Variants in PRKN observed in about 807,000 individuals in gnomAD.
The protein encoded by PRKN is E3 ubiquitin-protein ligase parkin.
Under a neutral mutation model 59.5 loss-of-function variants are expected in PRKN, and 56 were observed. The ratio of observed to expected loss-of-function variants is 0.94; its 90% CI spans 0.76 to 1.18. PRKN has a LOEUF of 1.18. Ranked by LOEUF, PRKN falls within the 50% of genes most tolerant of loss-of-function variation. The pLI, the probability that PRKN is intolerant of heterozygous loss-of-function variation, is 0.00. For synonymous variants in PRKN, 250 were observed against 222.1 expected, an observed-to-expected ratio of 1.13 and a Z score of -1.12; for missense variants, 657 against 596.4, an observed-to-expected ratio of 1.10 and a Z score of -1.06.
At chr6:162,087,399 A>T (rs2128295125) in intron 4 of PRKN, among the ~76,000 whole-genome samples, 1 of 152,236 alleles carries the variant, frequency 6.6e-6, no homozygotes, top group South Asian at 2.1e-4. Flanking sequence ...AAGAAAAATC[A>T]AATATACATT....
chr6:162,277,923 C>CCCAAAGGAG (rs1469149246), intron 2 of PRKN, among the ~76,000 whole-genome samples: 1 of 152,154 alleles, frequency 6.6e-6, no homozygotes, highest in Non-Finnish European at 1.5e-5. Context: ...GGAGTATTTA[C>CCCAAAGGAG]CCAAAGGAGT....
In PRKN at chr6:161,480,945, C is replaced by T. The variant is rs529102920; in HGVS notation, c.1083+67909G>A. Among the ~76,000 whole-genome samples, 16 of 152,280 alleles carry T rather than the reference C, an allele frequency of 1.1e-4. No homozygotes were observed. The highest frequency in any genetic ancestry group is 2.1e-4 in the South Asian group (1 of 4,830). On this transcript the variant is annotated intron_variant, in intron 9 of 11. Transcript: ENST00000366898. This position sits in a 1 kb window ranked among gnomAD's most constrained non-coding sequence, Gnocchi z 4.1. ...ATGGTGCAGCTTTCTCCATGGTAAC[C>T]GGGCAAGGAGAAAAGCGCTTCACAG... is the stretch of plus-strand genomic sequence containing the variant.
At chr6:162,226,277 G>C (rs572798400) in intron 3 of PRKN, among the ~76,000 whole-genome samples, 2 of 151,978 alleles carry the variant, frequency 1.3e-5, no homozygotes, top group Non-Finnish European at 2.9e-5. Context: ...GATACAGAGA[G>C]AGAGAGAGAG....
intron 5 of PRKN, among the ~76,000 whole-genome samples, chr6:162,014,105 C>T (rs1278138711): frequency 2.6e-5 from 4 of 152,150 alleles, no homozygotes; most frequent in Admixed American, 2.6e-4. Context: ...TCAGTTCCTA[C>T]TCACCCCCCA....
chr6:162,419,031 T>C (rs966632703), intron 2 of PRKN, among the ~76,000 whole-genome samples: 3 of 151,794 alleles, frequency 2.0e-5, no homozygotes, highest in African/African-American at 7.3e-5. Flanking sequence ...CAAAGCCCAT[T>C]CCTTCCTTAG....
At chr6:162,479,406 T>G (rs1312456266) in intron 1 of PRKN, among the ~76,000 whole-genome samples, 1 of 152,030 alleles carries the variant, frequency 6.6e-6, no homozygotes, top group Admixed American at 6.6e-5. Context: ...TTTTTGTATT[T>G]TTAGTAGAGA....
At chr6:161,651,642 G>C (rs868258046) in intron 7 of PRKN, among the ~76,000 whole-genome samples, 6 of 152,148 alleles carry the variant, frequency 3.9e-5, no homozygotes, top group African/African-American at 1.4e-4. Context: ...GGTTATTAAG[G>C]TATTGCAGAT....
At chr6:161,880,922 C>T (rs1794912699) in intron 6 of PRKN, among the ~76,000 whole-genome samples, 1 of 152,178 alleles carries the variant, frequency 6.6e-6, no homozygotes, top group South Asian at 2.1e-4. Flanking sequence ...AGATTGTTTC[C>T]CCAACACCTG....
At chr6:162,019,108 C>T (rs1783035832) in intron 5 of PRKN, among the ~76,000 whole-genome samples, 1 of 152,136 alleles carries the variant, frequency 6.6e-6, no homozygotes, top group East Asian at 1.9e-4. Context: ...TTTCTTTCTA[C>T]TATCAGAATG....
chr6:162,195,913 T>A (rs1003752737), intron 4 of PRKN, among the ~76,000 whole-genome samples: 20 of 152,220 alleles, frequency 1.3e-4, no homozygotes, highest in African/African-American at 4.3e-4. Context: ...CCAGATGCTG[T>A]ATGTGCTCTC....
chr6:162,490,842 C>CCT (rs2128184874), intron 1 of PRKN, among the ~76,000 whole-genome samples: 2 of 152,238 alleles, frequency 1.3e-5, no homozygotes, highest in South Asian at 4.1e-4. Context: ...TTCAAAAGGA[C>CCT]GGCACGAGGG....
chr6:161,545,496 A>G lies in PRKN; in HGVS notation c.1083+3358T>C. The G allele has an allele frequency of 7.3e-6, 9 of 1,236,456 alleles. No homozygotes were observed. Among genetic ancestry groups the G allele is most frequent in the Middle Eastern group, 1.9e-4 (1 of 5,366 alleles). The allele number at this position is 1,236,456 out of a possible 1,614,324, so 76.6% of individuals were successfully genotyped here. ...TCTTCTAACTTTTATGTATTTGGCC[A>G]TGTTCTACTTCTGAAATGACATAAT... On this transcript the variant is annotated intron_variant, in intron 9 of 11. Transcript: ENST00000366898. This position sits in a 1 kb window ranked among gnomAD's most constrained non-coding sequence, Gnocchi z 4.1.
chr6:161,968,114 G>A (rs7455008), intron 6 of PRKN, among the ~76,000 whole-genome samples: 14,015 of 151,744 alleles, frequency 0.092, 902 homozygotes, highest in Non-Finnish European at 0.14. Flanking sequence ...TCCGCCTCCC[G>A]GGTTCAAGCG....
At chr6:162,198,852 C>T (rs1431458354) in intron 4 of PRKN, among the ~76,000 whole-genome samples, 1 of 152,026 alleles carries the variant, frequency 6.6e-6, no homozygotes, top group Non-Finnish European at 1.5e-5. Flanking sequence ...ATTAATGTAC[C>T]ATTTAGTCCC....
At chr6:161,523,774 C>T (rs1173083851) in intron 9 of PRKN, among the ~76,000 whole-genome samples, 1 of 152,132 alleles carries the variant, frequency 6.6e-6, no homozygotes, top group African/African-American at 2.4e-5. Flanking sequence ...ATCCTTTTAT[C>T]TTTCTCTGTT....
chr6:162,545,121 C>T (rs980329923), intron 1 of PRKN, among the ~76,000 whole-genome samples: 17 of 151,242 alleles, frequency 1.1e-4, no homozygotes, highest in Admixed American at 1.1e-3. Context: ...CCTGTCTCTA[C>T]TAAAAATACA....
At chr6:162,305,592 T>C (rs1364510805) in intron 2 of PRKN, among the ~76,000 whole-genome samples, 1 of 152,168 alleles carries the variant, frequency 6.6e-6, no homozygotes, top group Non-Finnish European at 1.5e-5. Flanking sequence ...AAACTGAAGA[T>C]AAGAAAACTA....
chr6:161,496,205 C>T (rs909758581), intron 9 of PRKN, among the ~76,000 whole-genome samples: 13 of 152,226 alleles, frequency 8.5e-5, no homozygotes, highest in African/African-American at 2.9e-4. Flanking sequence ...AATGACAGTG[C>T]ACACAGGCAA....
At chr6:162,637,214 G>A (rs964597838) in intron 1 of PRKN, among the ~76,000 whole-genome samples, 16 of 151,612 alleles carry the variant, frequency 1.1e-4, no homozygotes, top group Admixed American at 2.0e-4. Flanking sequence ...CCGAGATCAC[G>A]CCGCTGCACT....
Sources: gnomAD v4.1 joint callset for allele counts (sites outside exome capture counted in the v4.1 genomes callset) on GRCh38, gnomAD v4.1.1 for gene constraint, Gnocchi (gnomAD v3.1) non-coding constraint, MANE v1.5 for transcripts, NCBI Gene and HGNC (gene_info 2026-07-23, HGNC 2026-07-21) for gene names.